Variants in DMXL1 observed in about 807,000 individuals in gnomAD.
DMXL1 encodes the protein Dmx like 1, also known as dmX-like protein 1.
A neutral mutation model predicts 319.2 loss-of-function variants in DMXL1; 99 were observed. The ratio of observed to expected loss-of-function variants is 0.31; its 90% CI spans 0.26 to 0.37. DMXL1 has a LOEUF of 0.37. DMXL1 is among the 10% of genes least tolerant of loss of function. The pLI is 1.00. For missense variants in DMXL1, 3,745 were observed against 3,595.6 expected (o/e 1.04, Z -1.06); for synonymous variants, 1,385 against 1,235.2 (o/e 1.12, Z -2.54).
At position 119,166,742 on chromosome 5, in the gene DMXL1, A is replaced by G; in HGVS notation, c.5097A>G (p.Ala1699=). 1 of 1,612,474 alleles carries G rather than the reference A, an allele frequency of 6.2e-7. No individual in the cohort carries two copies. Among genetic ancestry groups the G allele is most frequent in the Non-Finnish European group, 8.5e-7 (1 of 1,179,428 alleles). The change falls in exon 22 of 44, where the codon GCA becomes GCG. Residue 1699 remains alanine (A), a synonymous_variant. Transcript: ENST00000539542. ...LGKQRFEHSA[A]FFLLAGCLRD... ...AACAAAGATTTGAACATTCTGCAGC[A>G]TTTTTTCTTTTAGCTGGTTGCCTCA...
intron 28 of DMXL1, among the ~76,000 whole-genome samples, chr5:119,187,076 T>A (rs928021927): frequency 9.8e-4 from 144 of 147,062 alleles, no homozygotes; most frequent in Middle Eastern, 7.0e-3. Context: ...AAGTATAATT[T>A]AAAAAAAAAA....
In DMXL1 at chr5:119,223,427, T is replaced by C. The variant is rs542038127; in HGVS notation, c.8278-1282T>C. On this transcript the variant is annotated intron_variant, in intron 37 of 43. Transcript: ENST00000539542. ...GCTTGGATTCTGCCTGCCTTGCAGA[T>C]TGATGATTTCTAACTAGAATGGTAT... Among the ~76,000 whole-genome samples the C allele has an allele frequency of 2.0e-5, 3 of 152,304 alleles. No individual in the cohort carries two copies. In the South Asian group the frequency reaches 6.2e-4, roughly 32 times the overall value.
chr5:119,237,637 G>A (rs1361628287), intron 40 of DMXL1, among the ~76,000 whole-genome samples: 1 of 151,944 alleles, frequency 6.6e-6, no homozygotes, highest in Non-Finnish European at 1.5e-5. Context: ...ATGTATAGAA[G>A]CAACATGATA....
intron 36 of DMXL1, 143 bp from the exon 37 acceptor site, chr5:119,220,797 T>C: frequency 1.8e-6 from 2 of 1,142,402 alleles, no homozygotes; most frequent in Non-Finnish European, 2.5e-6. Flanking sequence ...TGTTGAGGTA[T>C]GAGGTCATTG....
chr5:119,112,003 C>T (rs1459001781), intron 5 of DMXL1, among the ~76,000 whole-genome samples: 5 of 152,172 alleles, frequency 3.3e-5, no homozygotes, highest in Non-Finnish European at 7.3e-5. Context: ...CTCTGTCGCC[C>T]AGCCTGGAAT....
chr5:119,116,340 A>C lies in DMXL1; in HGVS notation c.743+4A>C. 6.2e-7 allele frequency: 1 copy of C among 1,611,648 alleles called. No homozygotes were observed. The highest frequency in any genetic ancestry group is 1.7e-5 in the Admixed American group (1 of 59,536). ...AAACAAGCAAATATATGCCTAGGTC[A>C]GTGGATTGGTCATTTCCCTCCACAT... On this transcript the variant is annotated splice_donor_region_variant and intron_variant, in intron 7 of 43. Transcript: ENST00000539542.
At chr5:119,173,753 T>C (rs1775141352) in intron 25 of DMXL1, among the ~76,000 whole-genome samples, 1 of 109,320 alleles carries the variant, frequency 9.1e-6, no homozygotes, top group Non-Finnish European at 1.9e-5. Context: ...TATATGTGTG[T>C]GTATATATAT....
chr5:119,194,647 C>G (rs558063818), intron 30 of DMXL1, among the ~76,000 whole-genome samples: 39 of 152,282 alleles, frequency 2.6e-4, no homozygotes, highest in African/African-American at 9.1e-4. Context: ...GAGATTTTTA[C>G]TTCCTGGTTT....
Position 119,170,287 on chromosome 5 carries a change from T to C in DMXL1, c.5496T>C (p.Asp1832=), listed in dbSNP as rs1774286976. ...LLLRRHFGSS[D]TFSTHMSLTG... is the part of the protein sequence containing the mutation. ...TGAGACGTCATTTTGGATCATCTGATACATTTTCCACACATATGAGCCTAA... is the reference window on the plus strand; with the variant it reads ...TGAGACGTCATTTTGGATCATCTGACACATTTTCCACACATATGAGCCTAA... Residue 1832 remains aspartate, a synonymous_variant, in exon 24 of 44, where the codon GAT becomes GAC. Transcript: ENST00000539542. 1 of 1,613,786 alleles carries C rather than the reference T, an allele frequency of 6.2e-7. No individual in the cohort carries two copies. Among genetic ancestry groups the C allele is most frequent in the Admixed American group, 1.7e-5 (1 of 59,988 alleles).
rs140857615 is a variant in DMXL1 at position 119,123,841 on chromosome 5, T to C, written c.1102+2702T>C. 1.6e-3 allele frequency among the ~76,000 whole-genome samples: 235 copies of C among 145,936 alleles called. 3 individuals carry two copies. The highest frequency in any genetic ancestry group is 5.9e-3 in the African/African-American group (230 of 39,130). ...ACCATAGATTTGTTTTGGAGAAAAT[T>C]GTTTACACTCCTTGAGTTCATTCTA... On this transcript the variant is annotated intron_variant, in intron 9 of 43. Transcript: ENST00000539542.
At chr5:119,095,987 A>G (rs899202322) in intron 1 of DMXL1, among the ~76,000 whole-genome samples, 5 of 152,172 alleles carry the variant, frequency 3.3e-5, no homozygotes, top group Non-Finnish European at 5.9e-5. Context: ...CAGGAGACCA[A>G]AAATCAAGAG....
chr5:119,216,846 ATTAG>A (rs1267705778), intron 34 of DMXL1, 51 bp from the exon 35 acceptor site: 1 of 897,442 alleles, frequency 1.1e-6, no homozygotes, highest in Non-Finnish European at 1.8e-6. Context: ...GGCATATATT[ATTAG>A]TTCTATTACT....
At position 119,097,830 on chromosome 5, in the gene DMXL1, A is replaced by G. The variant is rs534455899; in HGVS notation, c.88-149A>G. The G allele has an allele frequency of 1.6e-4, 115 of 722,896 alleles. No homozygotes were observed. In the South Asian group the frequency reaches 1.7e-3, roughly 11 times the overall value. 44.8% of individuals were successfully genotyped at this position (722,896 alleles called of 1,614,324 possible). On this transcript the variant is annotated intron_variant, in intron 1 of 43. Transcript: ENST00000539542. ...GGGGAGGTAAGGGAAATAGTGCCAA[A>G]TGTAGATTTTTTTTTTAAGAAAACA... is the stretch of plus-strand genomic sequence containing the variant.
In DMXL1 at chr5:119,209,406, G is replaced by T. The variant is rs576943011; in HGVS notation, c.7926+2510G>T. Among the ~76,000 whole-genome samples, 7 of 150,520 alleles carry T rather than the reference G, an allele frequency of 4.7e-5. No individual in the cohort carries two copies. In the East Asian group the frequency reaches 1.4e-3, roughly 29 times the overall value. ...CACTGTGTCTCCCAGGCTGGGTGTA[G>T]TGGTGTGATTGCGGCTCACTGCAGC... is the stretch of plus-strand genomic sequence containing the variant. On this transcript the variant is annotated intron_variant, in intron 34 of 43. Coordinates refer to ENST00000539542, the MANE Select transcript of DMXL1 (RefSeq NM_001290321.3).
intron 28 of DMXL1, among the ~76,000 whole-genome samples, chr5:119,180,139 T>C (rs1412973260): frequency 6.6e-6 from 1 of 152,196 alleles, no homozygotes; most frequent in East Asian, 1.9e-4. Context: ...TGGAATAGAA[T>C]ATTTGCCTTC....
chr5:119,171,196 T>G lies in DMXL1; in HGVS notation c.6405T>G (p.Ser2135Arg). Residue 2135 changes from serine to arginine, a missense_variant, in exon 24 of 44, where the codon AGT becomes AGG. Coordinates refer to ENST00000539542, the MANE Select transcript of DMXL1 (RefSeq NM_001290321.3). ...AGTCACTTTTGAGAATGTTTCTTAG[T>G]TACTGCATACTTCATGGATCCCATG... Reference protein sequence around the residue: ...KYQSLLRMFLSYCILHGSHGG... With the variant: ...KYQSLLRMFLRYCILHGSHGG... The G allele has an allele frequency of 6.2e-7, 1 of 1,613,950 alleles. No individual in the cohort carries two copies. The highest frequency in any genetic ancestry group is 8.5e-7 in the Non-Finnish European group (1 of 1,179,856).
At chr5:119,130,532 A>C (rs1764638810) in intron 10 of DMXL1, among the ~76,000 whole-genome samples, 1 of 152,080 alleles carries the variant, frequency 6.6e-6, no homozygotes, top group African/African-American at 2.4e-5. Flanking sequence ...TAGTCAAGAC[A>C]GGGTTTCACC....
chr5:119,206,223 T>C (rs1028000251), intron 33 of DMXL1, among the ~76,000 whole-genome samples: 3 of 152,014 alleles, frequency 2.0e-5, no homozygotes, highest in Non-Finnish European at 4.4e-5. Flanking sequence ...CCAATTCCTT[T>C]TTCTGTTTTT....
At chr5:119,127,289 C>A in intron 9 of DMXL1, 1 of 222,484 alleles carries the variant, frequency 4.5e-6, no homozygotes. Flanking sequence ...GACTCTCTTG[C>A]CATTAACTTC....
Sources: allele counts gnomAD v4.1 joint callset (sites outside exome capture counted in the v4.1 genomes callset), GRCh38; gene constraint gnomAD v4.1.1; transcripts MANE v1.5; gene names NCBI Gene and HGNC (gene_info 2026-07-23, HGNC 2026-07-21).